TAOK3: variants seen among roughly 807,000 people sequenced by gnomAD.
The protein encoded by TAOK3 is serine/threonine-protein kinase TAO3.
A neutral mutation model predicts 120.4 loss-of-function variants in TAOK3; 40 were observed. The observed-to-expected ratio is 0.33, with a 90% CI of 0.26 to 0.43. The LOEUF (loss-of-function observed/expected upper bound fraction) is 0.43. Ranked by LOEUF, TAOK3 falls within the 20% of genes least tolerant of loss-of-function variation. The pLI is 1.00. For missense variants in TAOK3, 821 were observed against 1,112.1 expected, an observed-to-expected ratio of 0.74 and a Z score of 3.72; for synonymous variants, 355 against 387.5, an observed-to-expected ratio of 0.92 and a Z score of 0.99.
intron 9 of TAOK3, among the ~76,000 whole-genome samples, chr12:118,229,254 C>T (rs2039652990): frequency 6.6e-6 from 1 of 152,046 alleles, no homozygotes; most frequent in Non-Finnish European, 1.5e-5. Context: ...GCGTGCATCA[C>T]CACACACAGG....
chr12:118,255,702 A>G (rs1417502889), intron 2 of TAOK3, 47 bp from the exon 3 acceptor site: 2 of 906,534 alleles, frequency 2.2e-6, no homozygotes, highest in African/African-American at 3.4e-5. Context: ...AACACATTTT[A>G]CTTGGTGGCA....
At chr12:118,214,975 C>T (rs896701866) in intron 9 of TAOK3, among the ~76,000 whole-genome samples, 5 of 151,522 alleles carry the variant, frequency 3.3e-5, no homozygotes, top group East Asian at 2.0e-4. Context: ...GAACTCCCAG[C>T]CTCAGGTGAT....
chr12:118,346,083 A>C (rs2044846153), intron 1 of TAOK3, among the ~76,000 whole-genome samples: 2 of 152,234 alleles, frequency 1.3e-5, no homozygotes, highest in Non-Finnish European at 2.9e-5. Flanking sequence ...CTAGGTATAG[A>C]ATATAAATTT....
intron 1 of TAOK3, among the ~76,000 whole-genome samples, chr12:118,277,134 C>T (rs538004489): frequency 3.9e-5 from 6 of 152,314 alleles, no homozygotes; most frequent in South Asian, 2.1e-4. Flanking sequence ...TTTGTTGATA[C>T]AATAACTTCC....
chr12:118,198,110 C>A (rs1039121464), intron 13 of TAOK3, among the ~76,000 whole-genome samples: 2 of 152,026 alleles, frequency 1.3e-5, no homozygotes, highest in African/African-American at 4.8e-5. Flanking sequence ...AATCTGGGTC[C>A]TTTGCTGTCT....
intron 1 of TAOK3, among the ~76,000 whole-genome samples, chr12:118,276,468 G>A (rs148521391): frequency 0.011 from 1,708 of 152,124 alleles, 41 homozygotes; most frequent in African/African-American, 0.039. Flanking sequence ...TTGGGAGGCC[G>A]AGGCGGGCAG....
chr12:118,185,017 G>A (rs138574976), intron 14 of TAOK3, among the ~76,000 whole-genome samples: 123 of 151,914 alleles, frequency 8.1e-4, no homozygotes, highest in African/African-American at 2.8e-3. Context: ...CAGGCTCTGC[G>A]AAGCATGTCC....
At chr12:118,219,129 C>T (rs970874253) in intron 9 of TAOK3, among the ~76,000 whole-genome samples, 1 of 152,076 alleles carries the variant, frequency 6.6e-6, no homozygotes, top group Non-Finnish European at 1.5e-5. Context: ...ACCTATTTTT[C>T]CCTCTCTCAT....
chr12:118,252,184 A>C (rs1396245965), intron 3 of TAOK3, among the ~76,000 whole-genome samples: 1 of 152,210 alleles, frequency 6.6e-6, no homozygotes, highest in African/African-American at 2.4e-5. Flanking sequence ...GATTCTGAGA[A>C]GATGAATTAG....
At chr12:118,329,994 T>G (rs1206076587) in intron 1 of TAOK3, among the ~76,000 whole-genome samples, 2 of 152,160 alleles carry the variant, frequency 1.3e-5, no homozygotes, top group African/African-American at 2.4e-5. Flanking sequence ...GAACTCTGTA[T>G]CAACAACAAC....
At chr12:118,181,741 C>T (rs2036737963) in intron 14 of TAOK3, 134 bp from the exon 15 acceptor site, 2 of 734,068 alleles carry the variant, frequency 2.7e-6, no homozygotes, top group East Asian at 5.0e-5. Flanking sequence ...TTAGTGAATG[C>T]TCACCCGTAG....
rs1479270873 is a variant in TAOK3, at chr12:118,152,822, G to A, written c.2353-413C>T. ...TTCCTATTGCCTGAGATTGGTGGGA[G>A]GATTAAATGAAAGAATTAATATAAA... On this transcript the variant is annotated intron_variant, in intron 19 of 20. Transcript: ENST00000392533. The A allele has an allele frequency of 1.9e-5, 3 of 159,398 alleles. No individual in the cohort carries two copies. The South Asian group carries it at 5.9e-4, about 31-fold the overall frequency. 9.9% of individuals were successfully genotyped at this position (159,398 alleles called of 1,614,324 possible). A position where few individuals can be genotyped will look rare whatever the true frequency, so the allele number is the denominator to read the frequency against.
At chr12:118,199,883 T>C (rs957051149) in intron 12 of TAOK3, 1 of 152,584 alleles carries the variant, frequency 6.6e-6, no homozygotes, top group African/African-American at 2.4e-5. Flanking sequence ...GTATTCATCA[T>C]TACTGGCCCA....
intron 19 of TAOK3, chr12:118,159,815 A>AT (rs1265181548): frequency 1.5e-5 from 5 of 341,526 alleles, no homozygotes; most frequent in Non-Finnish European, 2.7e-5. Flanking sequence ...TTTGTGCCTG[A>AT]TATTAGTTGC....
At chr12:118,227,510 A>G (rs2039565699) in intron 9 of TAOK3, among the ~76,000 whole-genome samples, 1 of 152,056 alleles carries the variant, frequency 6.6e-6, no homozygotes, top group Non-Finnish European at 1.5e-5. Flanking sequence ...AAACAATCCT[A>G]TATATGAATA....
intron 1 of TAOK3, among the ~76,000 whole-genome samples, chr12:118,358,677 T>A (rs1163488736): frequency 6.6e-6 from 1 of 152,192 alleles, no homozygotes; most frequent in African/African-American, 2.4e-5. Context: ...AAGAAAAAAA[T>A]TAAATTTTTT....
At chr12:118,259,649 A>G (rs1289313003) in intron 2 of TAOK3, among the ~76,000 whole-genome samples, 1 of 152,210 alleles carries the variant, frequency 6.6e-6, no homozygotes, top group Non-Finnish European at 1.5e-5. Flanking sequence ...AAGATAGGCA[A>G]ATGATGTAAG....
chr12:118,183,963 G>A (rs1565913323), intron 14 of TAOK3, among the ~76,000 whole-genome samples: 1 of 152,176 alleles, frequency 6.6e-6, no homozygotes, highest in Non-Finnish European at 1.5e-5. Context: ...GAAATGAGTT[G>A]TGTCAAGAAA....
intron 1 of TAOK3, among the ~76,000 whole-genome samples, chr12:118,310,576 A>G (rs1380071494): frequency 6.6e-6 from 1 of 152,238 alleles, no homozygotes; most frequent in East Asian, 1.9e-4. Flanking sequence ...TGGAGTTCAC[A>G]GAAAACAAAA....
Sources: gnomAD v4.1 joint callset for allele counts (sites outside exome capture counted in the v4.1 genomes callset) on GRCh38, gnomAD v4.1.1 for gene constraint, MANE v1.5 for transcripts, NCBI Gene and HGNC (gene_info 2026-07-23, HGNC 2026-07-21) for gene names.